The following IL21R variants were observed in gnomAD, a reference collection of about 807,000 sequenced individuals.
IL21R encodes the protein interleukin-21 receptor.
IL21R carries 14 observed loss-of-function variants against 41.3 expected under a neutral mutation model. That is an observed-to-expected ratio of 0.34 (90% CI 0.22 to 0.53). IL21R has a LOEUF of 0.53. IL21R is among the 20% of genes least tolerant of loss of function. The probability of loss-of-function intolerance (pLI) is 0.94; values close to 1 mark genes in which losing one functional copy is unlikely to be tolerated. For synonymous variants in IL21R, 286 were observed against 287.6 expected (o/e 0.99, Z 0.05); for missense variants, 588 against 681.6 (o/e 0.86, Z 1.53).
chr16:27,441,225 C>T (rs9674206), intron 4 of IL21R, among the ~76,000 whole-genome samples: 3 of 152,244 alleles, frequency 2.0e-5, no homozygotes, highest in Non-Finnish European at 4.4e-5. Flanking sequence ...TCTGAAGTTA[C>T]TGCCTTCTGC....
intron 1 of IL21R, among the ~76,000 whole-genome samples, chr16:27,412,427 T>TC (rs2086836556): frequency 6.6e-6 from 1 of 151,988 alleles, no homozygotes; most frequent in South Asian, 2.1e-4. Context: ...CTTCTTTTTT[T>TC]TTTTAGAGTG....
At chr16:27,429,627 A>T (rs1040707266) in intron 1 of IL21R, among the ~76,000 whole-genome samples, 6 of 152,176 alleles carry the variant, frequency 3.9e-5, no homozygotes, top group Non-Finnish European at 8.8e-5. Flanking sequence ...TTTAAAAATT[A>T]GCCAGGCGTG....
chr16:27,407,926 G>A (rs999581669), intron 1 of IL21R, among the ~76,000 whole-genome samples: 1 of 152,192 alleles, frequency 6.6e-6, no homozygotes, highest in African/African-American at 2.4e-5. Context: ...AAAAGGGTAA[G>A]ATTTAACTTT....
intron 4 of IL21R, among the ~76,000 whole-genome samples, chr16:27,439,121 C>T (rs1347187104): frequency 6.6e-6 from 1 of 152,140 alleles, no homozygotes; most frequent in African/African-American, 2.4e-5. Flanking sequence ...TCCAGGTTTG[C>T]ACCTCTTTGC....
chr16:27,444,338 A>G (rs1250794433), intron 5 of IL21R, among the ~76,000 whole-genome samples: 1 of 152,060 alleles, frequency 6.6e-6, no homozygotes, highest in Non-Finnish European at 1.5e-5. Flanking sequence ...AGAGCATCCT[A>G]TCACATGCAC....
chr16:27,427,233 G>T, intron 1 of IL21R: 2 of 957,864 alleles, frequency 2.1e-6, no homozygotes, highest in South Asian at 9.6e-5. Context: ...TGGAGCATGG[G>T]GTGGAGTCAG....
intron 1 of IL21R, among the ~76,000 whole-genome samples, chr16:27,405,812 C>T (rs893226608): frequency 2.0e-5 from 3 of 152,128 alleles, no homozygotes; most frequent in African/African-American, 7.2e-5. Context: ...ACTTCTGAAA[C>T]GACCTGAGAA....
chr16:27,418,360 G>A (rs764528208), intron 1 of IL21R, among the ~76,000 whole-genome samples: 67 of 149,754 alleles, frequency 4.5e-4, no homozygotes, highest in Non-Finnish European at 1.0e-4. Context: ...AAGCTACCGC[G>A]CCCGGCCCTA....
chr16:27,403,147 C>T (rs1382319608), intron 1 of IL21R: 52 of 1,088,612 alleles, frequency 4.8e-5, no homozygotes, highest in African/African-American at 1.6e-5. Flanking sequence ...CGTAGCAGGT[C>T]GGGCAGTCAA....
chr16:27,440,248 T>TAGAGAGAGAGAGAGAGAG (rs1217071764), intron 4 of IL21R, among the ~76,000 whole-genome samples: 9 of 64,040 alleles, frequency 1.4e-4, no homozygotes, highest in South Asian at 5.0e-4. Flanking sequence ...TATATATATA[T>TAGAGAGAGAGAGAGAGAG]AGAGAGAGAG....
chr16:27,448,428 C>A, intron 8 of IL21R, 106 bp from the exon 9 acceptor site: 1 of 1,227,534 alleles, frequency 8.1e-7, no homozygotes, highest in Non-Finnish European at 1.1e-6. Flanking sequence ...GCATTCCAGC[C>A]TGGGCAGCAG....
Position 27,449,339 on chromosome 16 carries a change from A to T in IL21R, c.*56A>T. 6.6e-7 allele frequency: 1 copy of T among 1,511,200 alleles called. No individual in the cohort carries two copies. The highest frequency in any genetic ancestry group is 8.8e-7 in the Non-Finnish European group (1 of 1,131,872). 93.6% of individuals were successfully genotyped at this position (1,511,200 alleles called of 1,614,324 possible). A position where few individuals can be genotyped will look rare whatever the true frequency, so the allele number is the denominator to read the frequency against. On this transcript the variant is annotated 3_prime_UTR_variant, in exon 9 of 9. Coordinates refer to ENST00000337929, the MANE Select transcript of IL21R (RefSeq NM_181078.3). ...GGCCACTGGGCCCTGAGCCAGAGAC[A>T]AGGTCACCTGGGCTGTGATGTGAAG...
chr16:27,436,279 T>C (rs1004705545), intron 3 of IL21R, among the ~76,000 whole-genome samples: 2 of 152,352 alleles, frequency 1.3e-5, no homozygotes, highest in Admixed American at 6.5e-5. Flanking sequence ...GACAGAACAC[T>C]GGACCTCAGG....
At chr16:27,412,859 T>G (rs887541571) in intron 1 of IL21R, among the ~76,000 whole-genome samples, 1 of 152,080 alleles carries the variant, frequency 6.6e-6, no homozygotes, top group African/African-American at 2.4e-5. Context: ...ATGTATTAGT[T>G]CTAACCATTT....
Position 27,449,527 on chromosome 16 carries a change from G to A in IL21R, c.*244G>A. 1 of 558,846 alleles carries A rather than the reference G, an allele frequency of 1.8e-6. No homozygotes were observed. The highest frequency in any genetic ancestry group is 3.2e-6 in the Non-Finnish European group (1 of 316,474). 34.6% of individuals were successfully genotyped at this position (558,846 alleles called of 1,614,324 possible). On this transcript the variant is annotated 3_prime_UTR_variant, in exon 9 of 9. Coordinates refer to ENST00000337929, the MANE Select transcript of IL21R (RefSeq NM_181078.3). ...CGTGTGTGTGTGATTGCACGTGCCTGTGGGCCTGGGATAATGCCCATGGTA... is the reference window on the plus strand; with the variant it reads ...CGTGTGTGTGTGATTGCACGTGCCTATGGGCCTGGGATAATGCCCATGGTA...
intron 1 of IL21R, among the ~76,000 whole-genome samples, chr16:27,428,849 T>C (rs2087120555): frequency 6.6e-6 from 1 of 152,262 alleles, no homozygotes; most frequent in Non-Finnish European, 1.5e-5. Flanking sequence ...AGGAGCCTCA[T>C]TATTGGGCTA....
At chr16:27,434,601 C>G (rs2087234704) in intron 3 of IL21R, 152 bp downstream of exon 3, 1 of 600,630 alleles carries the variant, frequency 1.7e-6, no homozygotes, top group African/African-American at 1.9e-5. Context: ...CAGGAGCCCG[C>G]AGGGTTGGTC....
Position 27,444,567 on chromosome 16 carries a change from T to A in IL21R, c.533T>A (p.Val178Glu). The A allele has an allele frequency of 1.3e-6, 2 of 1,540,384 alleles. No homozygotes were observed. Among genetic ancestry groups the A allele is most frequent in the Non-Finnish European group, 1.7e-6 (2 of 1,144,514 alleles). The change falls in exon 6 of 9, where the codon GTG (valine) becomes GAG (glutamate). Residue 178 changes from valine to glutamate, a missense_variant. Physicochemically the swap from Val to Glu is moderately radical, Grantham distance 121. Transcript: ENST00000337929. ...AGTCCGAGGAGAAAGCTGATCTCAG[T>A]GGACTCAAGAAGTGTCTCCCTCCTC... ...AVSPRRKLIS[V>E]DSRSVSLLPL...
intron 4 of IL21R, among the ~76,000 whole-genome samples, chr16:27,440,248 T>TATATATAGAGAGAGAGAGAGAG (rs1352160946): frequency 1.1e-4 from 7 of 64,028 alleles, no homozygotes; most frequent in East Asian, 3.6e-4. Context: ...TATATATATA[T>TATATATAGAGAGAGAGAGAGAG]AGAGAGAGAG....
Sources: gnomAD v4.1 joint callset for allele counts (sites outside exome capture counted in the v4.1 genomes callset) on GRCh38, gnomAD v4.1.1 for gene constraint, MANE v1.5 for transcripts, NCBI Gene and HGNC (gene_info 2026-07-23, HGNC 2026-07-21) for gene names.